TFAP2D: variants seen among roughly 807,000 people sequenced by gnomAD.
The protein encoded by TFAP2D is transcription factor AP-2-delta.
Under a neutral mutation model 43.6 loss-of-function variants are expected in TFAP2D, and 9 were observed. The ratio of observed to expected loss-of-function variants is 0.21; its 90% CI spans 0.12 to 0.36. The LOEUF is 0.36. Among genes scored for constraint, TFAP2D ranks in the 10% least tolerant of loss-of-function variants. The pLI, the probability that TFAP2D is intolerant of heterozygous loss-of-function variation, is 1.00. For synonymous variants in TFAP2D, 256 were observed against 224.9 expected, an observed-to-expected ratio of 1.14 and a Z score of -1.24; for missense variants, 513 against 561.4, an observed-to-expected ratio of 0.91 and a Z score of 0.87.
intron 2 of TFAP2D, among the ~76,000 whole-genome samples, chr6:50,717,231 T>C (rs2114027774): frequency 6.6e-6 from 1 of 152,314 alleles, no homozygotes; most frequent in South Asian, 2.1e-4. Flanking sequence ...TTGCAAGCAC[T>C]AGACAAAGAG....
At chr6:50,737,447 TTTGA>T (rs1768979598) in intron 5 of TFAP2D, among the ~76,000 whole-genome samples, 1 of 152,216 alleles carries the variant, frequency 6.6e-6, no homozygotes, top group Non-Finnish European at 1.5e-5. Flanking sequence ...AATTTTACTT[TTTGA>T]TTGATTAATA....
At chr6:50,716,809 A>G (rs866607428) in intron 2 of TFAP2D, among the ~76,000 whole-genome samples, 7 of 152,226 alleles carry the variant, frequency 4.6e-5, no homozygotes, top group Non-Finnish European at 8.8e-5. Flanking sequence ...TTCTAAGAAC[A>G]TAAGTTGGAG....
intron 7 of TFAP2D, among the ~76,000 whole-genome samples, chr6:50,772,314 A>C (rs1769540223): frequency 6.6e-6 from 1 of 152,180 alleles, no homozygotes; most frequent in Non-Finnish European, 1.5e-5. Context: ...TGGGTGCAGC[A>C]CACCAAGCTG....
At chr6:50,737,613 A>G (rs1359655455) in intron 5 of TFAP2D, among the ~76,000 whole-genome samples, 1 of 152,196 alleles carries the variant, frequency 6.6e-6, no homozygotes, top group African/African-American at 2.4e-5. Flanking sequence ...TTTTCCTTCC[A>G]AGGATATATG....
intron 5 of TFAP2D, among the ~76,000 whole-genome samples, chr6:50,742,584 A>AGATAGAT (rs1561936863): frequency 8.5e-6 from 1 of 118,152 alleles, no homozygotes; most frequent in East Asian, 2.3e-4. Context: ...ATAGATAGAT[A>AGATAGAT]GATAGATAGA....
chr6:50,758,071 A>T (rs1404415560), intron 7 of TFAP2D, among the ~76,000 whole-genome samples: 2 of 151,548 alleles, frequency 1.3e-5, no homozygotes, highest in African/African-American at 4.8e-5. Context: ...TAATTGGACG[A>T]TGGACTAGGG....
chr6:50,715,813 A>G (rs1283829429), intron 2 of TFAP2D, among the ~76,000 whole-genome samples, 200 bp downstream of exon 2: 1 of 150,988 alleles, frequency 6.6e-6, no homozygotes, highest in Non-Finnish European at 1.5e-5. Context: ...CAATTAGAGG[A>G]GGAGTGTGCC....
intron 3 of TFAP2D, among the ~76,000 whole-genome samples, chr6:50,720,486 AACACACACACACACACACACACACACAC>A (rs59484837): frequency 2.9e-5 from 4 of 139,068 alleles, no homozygotes; most frequent in Non-Finnish European, 4.6e-5. Context: ...TGGAGATTAA[AACACACACACACACACACACACACACAC>A]ACACACACAC....
intron 5 of TFAP2D, among the ~76,000 whole-genome samples, chr6:50,744,580 G>A (rs956973854): frequency 5.3e-5 from 8 of 152,042 alleles, no homozygotes; most frequent in African/African-American, 9.7e-5. Context: ...ATTTACTTGG[G>A]TTTAGGATTT....
chr6:50,743,430 G>A (rs1769081972), intron 5 of TFAP2D, among the ~76,000 whole-genome samples: 1 of 152,036 alleles, frequency 6.6e-6, no homozygotes, highest in African/African-American at 2.4e-5. Flanking sequence ...CACGCAGGCT[G>A]GAGTGCAGTA....
rs376933913 is a variant in TFAP2D, at chr6:50,772,767, C to T, written c.1262C>T (p.Ala421Val). 5.0e-5 allele frequency: 80 copies of T among 1,613,958 alleles called. No individual in the cohort carries two copies. Among genetic ancestry groups the T allele is most frequent in the Non-Finnish European group, 6.0e-5 (71 of 1,180,024 alleles). Residue 421 changes from alanine to valine, a missense_variant, in exon 8 of 8, where the codon GCG (alanine) becomes GTG (valine). Transcript: ENST00000008391. ...KHTTHKNGGA[A>V]DSGQGHANSE... Reference sequence around the variant, plus strand: ...ACTACTCACAAGAACGGCGGAGCGGCGGATTCTGGCCAAGGACATGCCAAC... The same window carrying T: ...ACTACTCACAAGAACGGCGGAGCGGTGGATTCTGGCCAAGGACATGCCAAC...
At chr6:50,738,008 G>T (rs953194250) in intron 5 of TFAP2D, among the ~76,000 whole-genome samples, 39 of 152,150 alleles carry the variant, frequency 2.6e-4, no homozygotes, top group African/African-American at 7.7e-4. Context: ...CTTAATAGTG[G>T]TTGCAAATTT....
intron 3 of TFAP2D, among the ~76,000 whole-genome samples, chr6:50,726,869 G>A (rs770169703): frequency 6.6e-6 from 1 of 152,192 alleles, no homozygotes; most frequent in Non-Finnish European, 1.5e-5. Flanking sequence ...AAAACTCGGT[G>A]AGAATATGAA....
chr6:50,770,227 T>G (rs1769504761), intron 7 of TFAP2D, among the ~76,000 whole-genome samples: 1 of 152,196 alleles, frequency 6.6e-6, no homozygotes, highest in South Asian at 2.1e-4. Context: ...ATTATTTGGC[T>G]TCCCCTCTAG....
intron 3 of TFAP2D, among the ~76,000 whole-genome samples, chr6:50,722,936 G>C (rs1308148673): frequency 6.6e-6 from 1 of 152,224 alleles, no homozygotes; most frequent in Admixed American, 6.5e-5. Flanking sequence ...AAACACTGCG[G>C]TAGCCTCTGG....
At chr6:50,738,176 T>C (rs868711715) in intron 5 of TFAP2D, among the ~76,000 whole-genome samples, 1 of 152,126 alleles carries the variant, frequency 6.6e-6, no homozygotes, top group Non-Finnish European at 1.5e-5. Flanking sequence ...CTTGGACTTT[T>C]ATGAGCTTTT....
intron 7 of TFAP2D, among the ~76,000 whole-genome samples, chr6:50,762,174 C>T (rs1769372343): frequency 6.6e-6 from 1 of 152,078 alleles, no homozygotes; most frequent in Admixed American, 6.6e-5. Flanking sequence ...TCTTCTCTTT[C>T]ATTTGTGAGC....
intron 2 of TFAP2D, among the ~76,000 whole-genome samples, chr6:50,717,470 C>A (rs1231471499): frequency 1.3e-5 from 2 of 152,142 alleles, no homozygotes; most frequent in African/African-American, 4.8e-5. Context: ...GCTTTGAGAC[C>A]ATTTATCATC....
intron 5 of TFAP2D, among the ~76,000 whole-genome samples, chr6:50,737,205 C>T (rs1334182328): frequency 1.3e-5 from 2 of 152,100 alleles, no homozygotes; most frequent in Non-Finnish European, 1.5e-5. Flanking sequence ...TGGCCTGGCT[C>T]AAGTGACCCT....
Sources: gnomAD v4.1 joint callset for allele counts (sites outside exome capture counted in the v4.1 genomes callset) on GRCh38, gnomAD v4.1.1 for gene constraint, MANE v1.5 for transcripts, NCBI Gene and HGNC (gene_info 2026-07-23, HGNC 2026-07-21) for gene names.